KIAA1671: variants seen among roughly 807,000 people sequenced by gnomAD.
The protein encoded by KIAA1671 is KIAA1671.
A neutral mutation model predicts 131.2 loss-of-function variants in KIAA1671; 52 were observed. The ratio of observed to expected loss-of-function variants is 0.40; its 90% CI spans 0.32 to 0.50. The LOEUF (loss-of-function observed/expected upper bound fraction) is 0.50, where lower values mean the gene tolerates loss of function less well. Among genes scored for constraint, KIAA1671 ranks in the 20% least tolerant of loss-of-function variants. The pLI, the probability that KIAA1671 is intolerant of heterozygous loss-of-function variation, is 0.73. For missense variants in KIAA1671, 2,360 were observed against 2,364.2 expected, an observed-to-expected ratio of 1.00 and a Z score of 0.04; for synonymous variants, 1,003 against 961.6, an observed-to-expected ratio of 1.04 and a Z score of -0.80.
intron 1 of KIAA1671, among the ~76,000 whole-genome samples, chr22:24,954,361 A>G (rs1395433857): frequency 2.0e-5 from 3 of 151,906 alleles, no homozygotes; most frequent in African/African-American, 7.3e-5. Flanking sequence ...GCAGCCAGGG[A>G]CAGTTCCCGA....
At chr22:25,107,553 C>T (rs541666908) in intron 6 of KIAA1671, among the ~76,000 whole-genome samples, 18 of 137,984 alleles carry the variant, frequency 1.3e-4, no homozygotes, top group African/African-American at 4.9e-4. Flanking sequence ...CAGCTCACTG[C>T]AGCCTTAACT....
chr22:25,026,097 C>T (rs1301212940), intron 2 of KIAA1671, among the ~76,000 whole-genome samples: 2 of 152,134 alleles, frequency 1.3e-5, no homozygotes, highest in Admixed American at 6.5e-5. Flanking sequence ...TACCTCTAAC[C>T]GTGTCTAGAC....
chr22:25,057,480 T>C (rs1483747460), intron 6 of KIAA1671: 3 of 152,324 alleles, frequency 2.0e-5, no homozygotes, highest in Admixed American at 1.3e-4. Flanking sequence ...AGCGTGGGAT[T>C]GCGGGCTCTA....
At chr22:25,046,971 G>GTT in intron 5 of KIAA1671, among the ~76,000 whole-genome samples, 1 of 125,606 alleles carries the variant, frequency 8.0e-6, no homozygotes, top group Admixed American at 8.0e-5. Context: ...TGTCTTGAGA[G>GTT]TTTTTTTTTT....
intron 6 of KIAA1671, among the ~76,000 whole-genome samples, chr22:25,105,692 C>G (rs537767953): frequency 2.0e-5 from 3 of 152,282 alleles, no homozygotes; most frequent in Admixed American, 2.0e-4. Context: ...ACCCCTCTCC[C>G]CTTTCTGGAA....
At chr22:24,976,799 G>A (rs1922939271) in intron 1 of KIAA1671, among the ~76,000 whole-genome samples, 1 of 152,036 alleles carries the variant, frequency 6.6e-6, no homozygotes, top group Non-Finnish European at 1.5e-5. Context: ...CCAGGTTGGG[G>A]TGCTTGGGCT....
At chr22:25,070,284 G>A (rs1204772271) in intron 6 of KIAA1671, 2 of 415,884 alleles carry the variant, frequency 4.8e-6, no homozygotes, top group Non-Finnish European at 8.8e-6. Flanking sequence ...ACTCCAGCGT[G>A]ACAGGAGTGA....
chr22:25,023,385 AAAAT>A (rs1925777201), intron 1 of KIAA1671: 1 of 152,166 alleles, frequency 6.6e-6, no homozygotes, highest in Non-Finnish European at 1.5e-5. Flanking sequence ...AATAAAAAAT[AAAAT>A]AAATAAAAAA....
intron 1 of KIAA1671, among the ~76,000 whole-genome samples, chr22:24,973,049 AGG>A: frequency 6.6e-6 from 1 of 152,176 alleles, no homozygotes; most frequent in Non-Finnish European, 1.5e-5. Context: ...AAAGGCCCCC[AGG>A]CAGGAGCAAG....
intron 12 of KIAA1671, among the ~76,000 whole-genome samples, chr22:25,191,621 T>C (rs1368309377): frequency 6.6e-6 from 1 of 152,230 alleles, no homozygotes; most frequent in Non-Finnish European, 1.5e-5. Context: ...TAAAATGGGT[T>C]AGCAGTGTCC....
At chr22:25,006,569 C>T (rs1183121628) in intron 1 of KIAA1671, among the ~76,000 whole-genome samples, 3 of 152,164 alleles carry the variant, frequency 2.0e-5, no homozygotes, top group African/African-American at 7.2e-5. Flanking sequence ...AAGCCCTCCC[C>T]TTCTCTCCCC....
rs1332517217 is a variant in KIAA1671, at chr22:24,977,772, CA to C, written c.-208+25001del. Among the ~76,000 whole-genome samples, 5 of 152,304 alleles carry C rather than the reference CA, an allele frequency of 3.3e-5. No individual in the cohort carries two copies. The South Asian group carries it at 1.0e-3, about 32-fold the overall frequency. ...TTTGGCTCTGGGCTCTGGGCAGGGA[CA>C]TTTTATTTATTGCTGAGTTGGCCTC... On this transcript the variant is annotated intron_variant, in intron 1 of 12. Transcript: ENST00000358431.
chr22:25,073,742 G>A (rs910493281), intron 6 of KIAA1671, among the ~76,000 whole-genome samples: 1 of 152,138 alleles, frequency 6.6e-6, no homozygotes, highest in Admixed American at 6.5e-5. Flanking sequence ...TGTTGCCCAC[G>A]CAGGAGTGCA....
chr22:25,049,348 G>T lies in KIAA1671; in HGVS notation c.4514G>T (p.Arg1505Met). The T allele has an allele frequency of 6.4e-7, 1 of 1,551,100 alleles. No individual in the cohort carries two copies. Among genetic ancestry groups the T allele is most frequent in the East Asian group, 2.4e-5 (1 of 40,882 alleles). The change falls in exon 6 of 13, where the codon AGG (arginine) becomes ATG (methionine). Residue 1505 changes from arginine to methionine, a missense_variant. By Grantham distance (91) the Arg-to-Met change is moderately conservative (BLOSUM62 -1). This residue lies in a region of KIAA1671 where 1,161 missense variants were observed against 1,204.7 expected (regional missense o/e 0.96). Coordinates refer to ENST00000358431, the MANE Select transcript of KIAA1671 (RefSeq NM_001145206.2). ...WRSHSFCKDRRSGPFVDQLKQ... is the reference protein window; with the variant it reads ...WRSHSFCKDRMSGPFVDQLKQ... Reference sequence around the variant, plus strand: ...AGCCACAGCTTCTGCAAAGACAGGAGGAGTGGGCCCTTTGTGGTGAGTGAT... The same window carrying T: ...AGCCACAGCTTCTGCAAAGACAGGATGAGTGGGCCCTTTGTGGTGAGTGAT...
At chr22:25,046,585 C>T (rs1429263102) in intron 5 of KIAA1671, among the ~76,000 whole-genome samples, 1 of 152,220 alleles carries the variant, frequency 6.6e-6, no homozygotes, top group African/African-American at 2.4e-5. Context: ...ACTTAAAAAA[C>T]ATTCCCCTGA....
At chr22:25,173,988 C>A (rs1933935476) in intron 7 of KIAA1671, among the ~76,000 whole-genome samples, 1 of 152,170 alleles carries the variant, frequency 6.6e-6, no homozygotes. Flanking sequence ...GCCAAAGGAT[C>A]TTGAGTGGCA....
intron 1 of KIAA1671, among the ~76,000 whole-genome samples, chr22:24,994,894 G>A (rs1924029143): frequency 6.6e-6 from 1 of 151,996 alleles, no homozygotes; most frequent in Admixed American, 6.6e-5. Flanking sequence ...CTTTTGGGAT[G>A]GAGTTGGGGC....
intron 6 of KIAA1671, among the ~76,000 whole-genome samples, chr22:25,150,836 C>CTT (rs1324671566): frequency 4.8e-5 from 6 of 125,922 alleles, no homozygotes; most frequent in Non-Finnish European, 6.7e-5. Flanking sequence ...GGGTCCTTTG[C>CTT]TTTTTTTTTT....
chr22:25,143,418 G>A (rs553817206), intron 6 of KIAA1671, among the ~76,000 whole-genome samples: 3 of 152,354 alleles, frequency 2.0e-5, no homozygotes, highest in South Asian at 4.1e-4. Flanking sequence ...ATTTGAGGAT[G>A]TTAACATGTC....
Sources: gnomAD v4.1 joint callset for allele counts (sites outside exome capture counted in the v4.1 genomes callset) on GRCh38, gnomAD v4.1.1 for gene constraint, gnomAD v4.1.1 regional missense constraint, MANE v1.5 for transcripts, NCBI Gene and HGNC (gene_info 2026-07-23, HGNC 2026-07-21) for gene names.